RBPMS: variants seen among roughly 807,000 people sequenced by gnomAD.
RBPMS encodes the protein RNA binding protein, mRNA processing factor.
Under a neutral mutation model 26.8 loss-of-function variants are expected in RBPMS, and 7 were observed. The ratio of observed to expected loss-of-function variants is 0.26; its 90% CI spans 0.15 to 0.49. The LOEUF (loss-of-function observed/expected upper bound fraction) is 0.49. Among genes scored for constraint, RBPMS ranks in the 20% least tolerant of loss-of-function variants. RBPMS has a pLI of 0.98. For synonymous variants in RBPMS, 96 were observed against 93.3 expected (o/e 1.03, Z -0.17); for missense variants, 186 against 250.0 (o/e 0.74, Z 1.73).
chr8:30,549,530 C>T, intron 6 of RBPMS: 1 of 1,614,132 alleles, frequency 6.2e-7, no homozygotes, highest in Non-Finnish European at 8.5e-7. Flanking sequence ...GAGGAGAAGC[C>T]ACCCCTTGAG....
chr8:30,392,219 GTTTAAAGAGTCAGTTC>G (rs1807868990), intron 1 of RBPMS, among the ~76,000 whole-genome samples: 1 of 152,108 alleles, frequency 6.6e-6, no homozygotes, highest in South Asian at 2.1e-4. Context: ...CTTTAAAGAA[GTTTAAAGAGTCAGTTC>G]TTTAAAGATG....
At chr8:30,432,917 A>G (rs1480252243) in intron 1 of RBPMS, among the ~76,000 whole-genome samples, 1 of 152,280 alleles carries the variant, frequency 6.6e-6, no homozygotes, top group East Asian at 1.9e-4. Flanking sequence ...TGTTGATCCA[A>G]GAAAAATCAC....
At chr8:30,519,614 A>G (rs1439941806) in intron 5 of RBPMS, among the ~76,000 whole-genome samples, 4 of 151,418 alleles carry the variant, frequency 2.6e-5, no homozygotes, top group African/African-American at 9.7e-5. Flanking sequence ...CTCCTGAGTA[A>G]CTGGGACTAT....
chr8:30,483,898 A>G (rs1382156132), intron 4 of RBPMS, among the ~76,000 whole-genome samples: 2 of 152,160 alleles, frequency 1.3e-5, no homozygotes, highest in African/African-American at 4.8e-5. Flanking sequence ...TTTGAGATTC[A>G]TCCACGCTGT....
chr8:30,549,804 T>TCTCTCTCCCC (rs1383466717), intron 6 of RBPMS, among the ~76,000 whole-genome samples: 1 of 102,794 alleles, frequency 9.7e-6, no homozygotes, highest in Admixed American at 1.0e-4. Context: ...CTCCCCTCTC[T>TCTCTCTCCCC]CCTCTCTCTC....
intron 7 of RBPMS, among the ~76,000 whole-genome samples, chr8:30,561,351 G>T (rs1028850395): frequency 6.6e-6 from 1 of 152,124 alleles, no homozygotes; most frequent in Non-Finnish European, 1.5e-5. Flanking sequence ...CGTTACCATG[G>T]TGCCCAGCAC....
rs1825693160 is a variant in RBPMS at position 30,544,423 on chromosome 8, G to T, written c.398-71G>T. On this transcript the variant is annotated intron_variant, in intron 5 of 8. Coordinates refer to ENST00000397323, the MANE Select transcript of RBPMS (RefSeq NM_001008710.3). ...CAGTGATTGGGGCTCGGGGTTGTTG[G>T]GTGTTTTGTTTTCTGATTTGAAACT... 6.1e-5 allele frequency: 89 copies of T among 1,448,860 alleles called. No individual in the cohort carries two copies. The South Asian group carries it at 1.0e-3, about 17-fold the overall frequency. 89.8% of individuals were successfully genotyped at this position (1,448,860 alleles called of 1,614,324 possible). A position where few individuals can be genotyped will look rare whatever the true frequency, so the allele number is the denominator to read the frequency against.
chr8:30,431,641 A>G (rs1811942999), intron 1 of RBPMS, among the ~76,000 whole-genome samples: 1 of 151,916 alleles, frequency 6.6e-6, no homozygotes, highest in Non-Finnish European at 1.5e-5. Context: ...AGTGGAGACA[A>G]GGTTTCTCCG....
At chr8:30,418,558 T>C (rs1425753160) in intron 1 of RBPMS, among the ~76,000 whole-genome samples, 2 of 152,196 alleles carry the variant, frequency 1.3e-5, no homozygotes, top group African/African-American at 4.8e-5. Context: ...TTTTTGATTT[T>C]GTAGGCACTC....
At chr8:30,429,533 A>AT (rs1811706872) in intron 1 of RBPMS, among the ~76,000 whole-genome samples, 2 of 152,172 alleles carry the variant, frequency 1.3e-5, no homozygotes. Context: ...ATGCCCCCAA[A>AT]TTTTTGTAGT....
intron 5 of RBPMS, among the ~76,000 whole-genome samples, chr8:30,517,947 C>T (rs1379789325): frequency 2.0e-5 from 3 of 152,124 alleles, no homozygotes; most frequent in African/African-American, 4.8e-5. Context: ...AGCTGGAGCT[C>T]ATGATCCAGT....
chr8:30,458,923 A>T (rs1815561322), intron 1 of RBPMS, among the ~76,000 whole-genome samples: 1 of 149,536 alleles, frequency 6.7e-6, no homozygotes, highest in South Asian at 2.1e-4. Flanking sequence ...TCCCGAAGTG[A>T]TGAGATTATA....
intron 5 of RBPMS, among the ~76,000 whole-genome samples, chr8:30,512,216 C>T (rs1305156259): frequency 1.3e-5 from 2 of 151,930 alleles, no homozygotes; most frequent in Admixed American, 6.6e-5. Flanking sequence ...GGGGTTTCTT[C>T]ATGTATTTCC....
At chr8:30,548,449 C>G (rs902225780) in intron 6 of RBPMS, among the ~76,000 whole-genome samples, 1 of 152,164 alleles carries the variant, frequency 6.6e-6, no homozygotes, top group Non-Finnish European at 1.5e-5. Flanking sequence ...GAGAGAAAGT[C>G]CTGGTTACCT....
At chr8:30,512,999 C>T (rs571818947) in intron 5 of RBPMS, among the ~76,000 whole-genome samples, 1 of 146,372 alleles carries the variant, frequency 6.8e-6, no homozygotes, top group African/African-American at 2.7e-5. Context: ...AGCCTTCCCA[C>T]CCCACCCCAC....
In RBPMS at chr8:30,475,467, C is replaced by T. The variant is rs544793225; in HGVS notation, c.144+611C>T. Reference sequence around the variant, plus strand: ...AGGATAGGAGAAAGCTGGAGCTGATCGAATCGGGGCCCTGGAAGGGATATG... The same window carrying T: ...AGGATAGGAGAAAGCTGGAGCTGATTGAATCGGGGCCCTGGAAGGGATATG... On this transcript the variant is annotated intron_variant, in intron 2 of 8. Transcript: ENST00000397323. Among the ~76,000 whole-genome samples the T allele has an allele frequency of 9.2e-5, 14 of 152,298 alleles. No individual in the cohort carries two copies. In the Middle Eastern group the frequency reaches 0.01, roughly 111 times the overall value.
intron 1 of RBPMS, among the ~76,000 whole-genome samples, chr8:30,445,649 G>GATATATATATATAT (rs59580323): frequency 0.017 from 1,870 of 107,152 alleles, 97 homozygotes; most frequent in African/African-American, 0.034. Context: ...TATACACACG[G>GATATATATATATAT]ATATATATAT....
chr8:30,424,072 A>G (rs1811100417), intron 1 of RBPMS, among the ~76,000 whole-genome samples: 1 of 152,072 alleles, frequency 6.6e-6, no homozygotes, highest in Admixed American at 6.6e-5. Flanking sequence ...TCCTGACCTC[A>G]AGGAATCTGC....
At chr8:30,416,419 C>T (rs1055987424) in intron 1 of RBPMS, among the ~76,000 whole-genome samples, 1 of 151,446 alleles carries the variant, frequency 6.6e-6, no homozygotes, top group Admixed American at 6.6e-5. Flanking sequence ...GCAACCTCTG[C>T]CTCCCGGGTT....
Sources: gnomAD v4.1 joint callset for allele counts (sites outside exome capture counted in the v4.1 genomes callset) on GRCh38, gnomAD v4.1.1 for gene constraint, MANE v1.5 for transcripts, NCBI Gene and HGNC (gene_info 2026-07-23, HGNC 2026-07-21) for gene names.